The following ARHGAP6 variants were observed in gnomAD, a reference collection of about 807,000 sequenced individuals.
The protein encoded by ARHGAP6 is rho GTPase-activating protein 6.
Under a neutral mutation model 55.7 loss-of-function variants are expected in ARHGAP6, and 16 were observed. The observed-to-expected ratio is 0.29, with a 90% CI of 0.19 to 0.44. ARHGAP6 has a LOEUF of 0.44. Among genes scored for constraint, ARHGAP6 ranks in the 20% least tolerant of loss-of-function variants. The pLI, the probability that ARHGAP6 is intolerant of heterozygous loss-of-function variation, is 1.00. For missense variants in ARHGAP6, 698 were observed against 808.9 expected (o/e 0.86, Z 1.66); for synonymous variants, 382 against 360.9 (o/e 1.06, Z -0.66).
At chrX:11,467,980 A>AAATG (rs58581155) in intron 1 of ARHGAP6, among the ~76,000 whole-genome samples, 77 of 93,300 alleles carry the variant, frequency 8.3e-4, no homozygotes, top group Middle Eastern at 5.3e-3. Flanking sequence ...ACTCTGTCTT[A>AAATG]AATGAATGAA....
chrX:11,395,505 G>A lies in ARHGAP6; in HGVS notation c.589-140798C>T, dbSNP rs191763261. On this transcript the variant is annotated intron_variant, in intron 1 of 12. Coordinates refer to ENST00000337414, the MANE Select transcript of ARHGAP6 (RefSeq NM_013427.3). ...TTCCATAATATAAATACTCATTGTG[G>A]CGGATTCCAGGGTACCAAGGTGAGG... is the stretch of plus-strand genomic sequence containing the variant. Among the ~76,000 whole-genome samples the A allele has an allele frequency of 3.6e-5, 4 of 111,950 alleles. No individual in the cohort carries two copies. The East Asian group carries it at 1.1e-3, about 31-fold the overall frequency.
intron 1 of ARHGAP6, among the ~76,000 whole-genome samples, chrX:11,559,103 A>C (rs1436918263): frequency 9.3e-6 from 1 of 107,868 alleles, no homozygotes; most frequent in Non-Finnish European, 1.9e-5. Context: ...CTCCTCCAGA[A>C]CATCAGAGTC....
intron 1 of ARHGAP6, among the ~76,000 whole-genome samples, chrX:11,485,639 C>T (rs2050503776): frequency 8.9e-6 from 1 of 112,383 alleles, no homozygotes; most frequent in African/African-American, 3.2e-5. Flanking sequence ...CTAATAAATG[C>T]TAAATGAAAA....
At chrX:11,558,836 CAAAAAAAAAAAAAAAAAAAA>C (rs58936931) in intron 1 of ARHGAP6, among the ~76,000 whole-genome samples, 17 of 30,076 alleles carry the variant, frequency 5.7e-4, no homozygotes, top group Non-Finnish European at 8.4e-4. Context: ...GATTCCATCT[CAAAAAAAAAAAAAAAAAAAA>C]AAAAAAAAAA....
chrX:11,271,030 T>C (rs1425940043), intron 1 of ARHGAP6, among the ~76,000 whole-genome samples: 1 of 111,872 alleles, frequency 8.9e-6, no homozygotes, highest in Non-Finnish European at 1.9e-5. Context: ...TCTACTCATG[T>C]AGTGAGGAAC....
intron 1 of ARHGAP6, among the ~76,000 whole-genome samples, chrX:11,593,889 T>C (rs2051870024): frequency 8.9e-6 from 1 of 112,067 alleles, no homozygotes; most frequent in Admixed American, 9.4e-5. Flanking sequence ...CAGCACAAAA[T>C]AAAAATGCAG....
chrX:11,187,630 C>T (rs2046402540), intron 4 of ARHGAP6, among the ~76,000 whole-genome samples: 1 of 111,727 alleles, frequency 9.0e-6, no homozygotes, highest in African/African-American at 3.3e-5. Flanking sequence ...TGGACAAGCC[C>T]TAAATGTTAG....
At chrX:11,143,784 C>G (rs1485591244) in intron 11 of ARHGAP6, 196 bp downstream of exon 11, 1 of 1,142,393 alleles carries the variant, frequency 8.8e-7, no homozygotes, top group African/African-American at 1.8e-5. Flanking sequence ...CCCTCCCAGC[C>G]AACGACTGGG....
At chrX:11,544,278 C>T (rs1430331184) in intron 1 of ARHGAP6, among the ~76,000 whole-genome samples, 1 of 112,276 alleles carries the variant, frequency 8.9e-6, no homozygotes, top group African/African-American at 3.2e-5. Context: ...ACAGCAGATG[C>T]CTAGTGGCCC....
chrX:11,175,978 G>A (rs1449612246), intron 8 of ARHGAP6, among the ~76,000 whole-genome samples: 1 of 106,446 alleles, frequency 9.4e-6, no homozygotes, highest in Admixed American at 1.0e-4. Context: ...CCAGTATAAC[G>A]ACATTGTCCT....
chrX:11,139,179 G>T lies in ARHGAP6; in HGVS notation c.2609C>A (p.Pro870His), dbSNP rs2045585857. ...CTTGTCATCCCTCCCACTCCCATGG[G>T]GTCTTTGGCACTGAGGTGTGGCCCG... ...QSRATPQCQR[P>H]HGSGRDDKRP... The change falls in exon 13 of 13, where the codon CCC becomes CAC. Residue 870 changes from proline (P) to histidine (H), a missense_variant. By Grantham distance (77) the Pro-to-His change is moderately conservative. Around this residue, in one of 3 missense-constraint regions of ARHGAP6, gnomAD observed 212 missense variants for 208.7 expected, o/e 1.02. Coordinates refer to ENST00000337414, the MANE Select transcript of ARHGAP6 (RefSeq NM_013427.3). The T allele has an allele frequency of 1.7e-6, 2 of 1,206,686 alleles. No homozygotes were observed. The highest frequency in any genetic ancestry group is 5.9e-5 in the East Asian group (2 of 33,711).
At chrX:11,183,046 G>A (rs772585604) in intron 5 of ARHGAP6, among the ~76,000 whole-genome samples, 5 of 111,093 alleles carry the variant, frequency 4.5e-5, no homozygotes, top group South Asian at 3.8e-4. Context: ...CTATCGTGTC[G>A]CATGAATTTT....
chrX:11,603,464 G>A (rs2052000517), intron 1 of ARHGAP6, among the ~76,000 whole-genome samples: 1 of 111,874 alleles, frequency 8.9e-6, no homozygotes, highest in South Asian at 3.7e-4. Context: ...ACTTACAAAT[G>A]CATGGGTGGG....
chrX:11,658,288 C>G (rs1247428326), intron 1 of ARHGAP6, among the ~76,000 whole-genome samples: 1 of 111,809 alleles, frequency 8.9e-6, no homozygotes, highest in African/African-American at 3.3e-5. Flanking sequence ...ATCTGAGAAG[C>G]TATCTTCACA....
intron 1 of ARHGAP6, among the ~76,000 whole-genome samples, chrX:11,506,436 T>A (rs1420076619): frequency 1.9e-5 from 2 of 104,105 alleles, no homozygotes; most frequent in African/African-American, 7.2e-5. Context: ...TTCCCCTCCC[T>A]TTGTCCATGT....
At chrX:11,436,240 A>C (rs1410189660) in intron 1 of ARHGAP6, among the ~76,000 whole-genome samples, 1 of 112,595 alleles carries the variant, frequency 8.9e-6, no homozygotes, top group East Asian at 2.8e-4. Flanking sequence ...AACAAAAGAA[A>C]GCTGTTTTGT....
At chrX:11,189,872 T>A (rs1196823123) in intron 3 of ARHGAP6, among the ~76,000 whole-genome samples, 1 of 112,374 alleles carries the variant, frequency 8.9e-6, no homozygotes, top group Non-Finnish European at 1.9e-5. Context: ...GGCAATATTT[T>A]AGATTCATGC....
At chrX:11,353,886 A>G (rs1023650942) in intron 1 of ARHGAP6, among the ~76,000 whole-genome samples, 7 of 111,022 alleles carry the variant, frequency 6.3e-5, no homozygotes, top group African/African-American at 2.3e-4. Context: ...AGGATTTTTA[A>G]TGAGCTAACA....
At chrX:11,207,228 T>C (rs1329485657) in intron 2 of ARHGAP6, among the ~76,000 whole-genome samples, 1 of 109,032 alleles carries the variant, frequency 9.2e-6, no homozygotes, top group Admixed American at 9.8e-5. Flanking sequence ...GGGGTCTCAC[T>C]ATGTTGGCCA....
Sources: gnomAD v4.1 joint callset for allele counts (sites outside exome capture counted in the v4.1 genomes callset) on GRCh38, gnomAD v4.1.1 for gene constraint, gnomAD v4.1.1 regional missense constraint, MANE v1.5 for transcripts, NCBI Gene and HGNC (gene_info 2026-07-23, HGNC 2026-07-21) for gene names.